Variants in PALM2AKAP2 observed in about 807,000 individuals in gnomAD.
The protein encoded by PALM2AKAP2 is PALM2-AKAP2 fusion protein.
Under a neutral mutation model 71.5 loss-of-function variants are expected in PALM2AKAP2, and 37 were observed. The observed-to-expected ratio is 0.52, with a 90% confidence interval of 0.40 to 0.68. The LOEUF is 0.68. Among genes scored for constraint, PALM2AKAP2 ranks in the 30% least tolerant of loss-of-function variants. The pLI is 0.00. For synonymous variants in PALM2AKAP2, 468 were observed against 478.8 expected, an observed-to-expected ratio of 0.98 and a Z score of 0.29; for missense variants, 1,224 against 1,191.8, an observed-to-expected ratio of 1.03 and a Z score of -0.40.
chr9:109,951,644 G>A (rs73539453), intron 6 of PALM2AKAP2, among the ~76,000 whole-genome samples: 39,393 of 152,032 alleles, frequency 0.26, 5,600 homozygotes, highest in East Asian at 0.55. Context: ...CCTGTTAACA[G>A]TGTGGAAGCT....
intron 1 of PALM2AKAP2, among the ~76,000 whole-genome samples, chr9:109,862,744 T>A (rs573630867): frequency 6.6e-6 from 1 of 152,344 alleles, no homozygotes; most frequent in East Asian, 1.9e-4. Context: ...ACTAGGCAGA[T>A]CAAAATTGAC....
At chr9:109,940,904 C>T (rs752385195) in intron 6 of PALM2AKAP2, among the ~76,000 whole-genome samples, 1 of 152,202 alleles carries the variant, frequency 6.6e-6, no homozygotes, top group South Asian at 2.1e-4. Context: ...GGGTTTATGA[C>T]TCAAGTAACT....
chr9:109,808,115 A>G (rs1359567423), intron 1 of PALM2AKAP2, among the ~76,000 whole-genome samples: 1 of 152,204 alleles, frequency 6.6e-6, no homozygotes, highest in African/African-American at 2.4e-5. Flanking sequence ...GTAAATTGGT[A>G]CTGGTAGAGT....
chr9:109,768,219 G>A (rs1033262325), intron 1 of PALM2AKAP2, among the ~76,000 whole-genome samples: 3 of 151,698 alleles, frequency 2.0e-5, no homozygotes, highest in Non-Finnish European at 1.5e-5. Context: ...AAGGAAGGAA[G>A]GAAAGAAGGA....
rs1395131861 is a variant in PALM2AKAP2, at chr9:109,919,761, G to GTA, written c.258-3973_258-3972insAT. On this transcript the variant is annotated intron_variant, in intron 3 of 9. Coordinates refer to the PALM2AKAP2 transcript ENST00000302798. The stretch of plus-strand genomic sequence containing the variant: ...TGTGTGTGTGTGTGTGTGTGTGTGT[G>GTA]TGTGTATATATGTAAAATGTATACA... Among the ~76,000 whole-genome samples the GTA allele has an allele frequency of 3.2e-4, 45 of 141,764 alleles. 4 individuals are homozygous for GTA. The highest frequency in any genetic ancestry group is 1.1e-3 in the East Asian group (5 of 4,662). 93.0% of individuals were successfully genotyped at this position (141,764 alleles called of 152,430 possible).
chr9:109,863,041 G>C, intron 1 of PALM2AKAP2: 1 of 453,260 alleles, frequency 2.2e-6, no homozygotes, highest in Non-Finnish European at 4.4e-6. Flanking sequence ...AGACATCCTT[G>C]GTTTTAGGCA....
At chr9:109,667,004 T>C (rs1827495575) in intron 1 of PALM2AKAP2, among the ~76,000 whole-genome samples, 1 of 152,138 alleles carries the variant, frequency 6.6e-6, no homozygotes, top group African/African-American at 2.4e-5. Flanking sequence ...GTGGTGAACA[T>C]CAGTCTTTGG....
intron 1 of PALM2AKAP2, among the ~76,000 whole-genome samples, chr9:109,676,936 A>AGAGTTATTTAGTATAGAG (rs1349634068): frequency 9.2e-5 from 14 of 152,210 alleles, no homozygotes; most frequent in African/African-American, 3.4e-4. Context: ...TTATTTAGTC[A>AGAGTTATTTAGTATAGAG]TTGATTATCT....
At chr9:109,699,262 G>C (rs1012388366) in intron 1 of PALM2AKAP2, among the ~76,000 whole-genome samples, 3 of 152,214 alleles carry the variant, frequency 2.0e-5, no homozygotes, top group Non-Finnish European at 4.4e-5. Context: ...TAGTTGAAAA[G>C]ATTCAACACA....
chr9:109,813,052 A>AT (rs892335139), intron 1 of PALM2AKAP2, among the ~76,000 whole-genome samples: 4 of 152,252 alleles, frequency 2.6e-5, no homozygotes, highest in Non-Finnish European at 5.9e-5. Context: ...TGGTTGAGTG[A>AT]TTTTTAAAAA....
chr9:109,943,553 C>A, intron 6 of PALM2AKAP2: 2 of 1,302,960 alleles, frequency 1.5e-6, no homozygotes, highest in Non-Finnish European at 2.1e-6. Flanking sequence ...AGTTGAATTG[C>A]TTTGATCTCT....
chr9:109,962,749 T>G (rs1831876531), intron 6 of PALM2AKAP2, among the ~76,000 whole-genome samples: 1 of 152,026 alleles, frequency 6.6e-6, no homozygotes, highest in African/African-American at 2.4e-5. Context: ...TTCAAGCGAT[T>G]CTCCTGCCTC....
intron 1 of PALM2AKAP2, among the ~76,000 whole-genome samples, chr9:109,732,825 G>C (rs1828576467): frequency 6.6e-6 from 1 of 152,192 alleles, no homozygotes; most frequent in African/African-American, 2.4e-5. Flanking sequence ...TCCTCTTTCT[G>C]AGGTGGTGGA....
At chr9:109,934,373 G>C (rs1310195737) in intron 6 of PALM2AKAP2, among the ~76,000 whole-genome samples, 3 of 152,148 alleles carry the variant, frequency 2.0e-5, no homozygotes, top group Non-Finnish European at 4.4e-5. Flanking sequence ...GAGCTACTCA[G>C]AGCACATCTA....
exon 4 of PALM2AKAP2, chr9:110,172,251 A>G (rs1213095862): frequency 6.6e-6 from 1 of 152,646 alleles, no homozygotes; most frequent in Non-Finnish European, 1.5e-5. Context: ...CTGAATTTTA[A>G]GCATTCAGTG....
At chr9:110,001,810 CTGTT>C (rs1415434628) in intron 6 of PALM2AKAP2, among the ~76,000 whole-genome samples, 2 of 152,134 alleles carry the variant, frequency 1.3e-5, no homozygotes, top group Non-Finnish European at 2.9e-5. Flanking sequence ...ATTTGGCTCT[CTGTT>C]TGTCTGTTAT....
chr9:110,152,070 C>CTG (rs1836329070), intron 2 of PALM2AKAP2, among the ~76,000 whole-genome samples: 2 of 152,100 alleles, frequency 1.3e-5, no homozygotes, highest in South Asian at 4.1e-4. Flanking sequence ...AACCCTGTCT[C>CTG]TAGTAAAAAT....
In PALM2AKAP2 at chr9:109,990,324, C is replaced by T. The variant is rs1422913309; in HGVS notation, c.497-25630C>T. Among the ~76,000 whole-genome samples, 13 of 152,074 alleles carry T rather than the reference C, an allele frequency of 8.5e-5. No homozygotes were observed. The South Asian group carries it at 1.2e-3, about 15-fold the overall frequency. ...ATCCGCCTGTCTCAGCCTCCCAAAG[C>T]GCTGGGACTACAGGCGTGAGCCACC... On this transcript the variant is annotated intron_variant, in intron 6 of 9. Coordinates refer to the PALM2AKAP2 transcript ENST00000302798.
chr9:110,165,954 G>A (rs1264293394), intron 3 of PALM2AKAP2, among the ~76,000 whole-genome samples: 2 of 152,158 alleles, frequency 1.3e-5, no homozygotes, highest in Non-Finnish European at 2.9e-5. Context: ...CCAAGAGGAT[G>A]GGGACCATAG....
Sources: gnomAD v4.1 joint callset for allele counts (sites outside exome capture counted in the v4.1 genomes callset) on GRCh38, gnomAD v4.1.1 for gene constraint, MANE v1.5 for transcripts, NCBI Gene and HGNC (gene_info 2026-07-23, HGNC 2026-07-21) for gene names.